The following CAMKMT variants were observed in gnomAD, a reference collection of about 807,000 sequenced individuals.
CAMKMT encodes the protein CaM KMT.
CAMKMT carries 53 observed loss-of-function variants against 48.0 expected under a neutral mutation model. The observed-to-expected ratio is 1.10, with a 90% CI of 0.89 to 1.39. CAMKMT has a LOEUF of 1.39. Ranked by LOEUF, CAMKMT falls within the 40% of genes most tolerant of loss-of-function variation. CAMKMT has a pLI of 0.00. For missense variants in CAMKMT, 428 were observed against 402.7 expected (o/e 1.06, Z -0.54); for synonymous variants, 165 against 152.3 (o/e 1.08, Z -0.61).
chr2:44,429,830 A>AAG (rs1684534328), intron 3 of CAMKMT, among the ~76,000 whole-genome samples: 1 of 149,158 alleles, frequency 6.7e-6, no homozygotes, highest in Non-Finnish European at 1.5e-5. Context: ...AAAAAAAAAA[A>AAG]GACAAAAGAA....
chr2:44,610,168 A>G (rs1417589628), intron 3 of CAMKMT, among the ~76,000 whole-genome samples: 3 of 152,208 alleles, frequency 2.0e-5, no homozygotes, highest in Non-Finnish European at 4.4e-5. Flanking sequence ...TTGAGCATCT[A>G]TTTAACTGCA....
At chr2:44,721,747 G>T (rs1024763648) in intron 7 of CAMKMT, among the ~76,000 whole-genome samples, 1 of 151,932 alleles carries the variant, frequency 6.6e-6, no homozygotes, top group Admixed American at 6.6e-5. Flanking sequence ...AGGTGGGAGG[G>T]TTGCTTGAGC....
chr2:44,711,477 CT>C (rs1011780946), intron 6 of CAMKMT, among the ~76,000 whole-genome samples: 3 of 152,078 alleles, frequency 2.0e-5, no homozygotes, highest in African/African-American at 7.2e-5. Flanking sequence ...TTAATTCTAA[CT>C]TTTTTTCTTC....
chr2:44,484,342 C>G (rs1669112208), intron 3 of CAMKMT, among the ~76,000 whole-genome samples: 1 of 151,802 alleles, frequency 6.6e-6, no homozygotes, highest in African/African-American at 2.4e-5. Flanking sequence ...TATAAAGCTA[C>G]AGTAATTAAG....
intron 3 of CAMKMT, among the ~76,000 whole-genome samples, chr2:44,437,772 G>T (rs1043544895): frequency 6.6e-6 from 1 of 150,574 alleles, no homozygotes; most frequent in East Asian, 2.0e-4. Flanking sequence ...CTTGAGCCCA[G>T]GAGTTTGAAG....
intron 2 of CAMKMT, among the ~76,000 whole-genome samples, chr2:44,377,913 A>T (rs1679857030): frequency 6.6e-6 from 1 of 152,178 alleles, no homozygotes; most frequent in Non-Finnish European, 1.5e-5. Context: ...AATGTTCAGT[A>T]AATAAAAACT....
intron 3 of CAMKMT, among the ~76,000 whole-genome samples, chr2:44,637,981 C>G (rs1289672341): frequency 6.6e-6 from 1 of 150,632 alleles, no homozygotes; most frequent in Non-Finnish European, 1.5e-5. Context: ...AGGAGAATCG[C>G]TTGAACTCGG....
At chr2:44,400,918 A>C (rs900151497) in intron 3 of CAMKMT, 3 of 129,304 alleles carry the variant, frequency 2.3e-5, no homozygotes, top group Admixed American at 8.9e-5. Flanking sequence ...GTGCATGTAT[A>C]CTTATGTGTG....
chr2:44,604,747 C>T (rs1342281432), intron 3 of CAMKMT, among the ~76,000 whole-genome samples: 1 of 151,936 alleles, frequency 6.6e-6, no homozygotes, highest in African/African-American at 2.4e-5. Flanking sequence ...TGCCTTGTTG[C>T]TGAGGGTGCT....
rs536851188 is a variant in CAMKMT, at chr2:44,700,307, A to G, written c.377-3976A>G. Among the ~76,000 whole-genome samples the G allele has an allele frequency of 5.9e-5, 9 of 152,316 alleles. No individual in the cohort carries two copies. In the South Asian group the frequency reaches 1.4e-3, roughly 25 times the overall value. On this transcript the variant is annotated intron_variant, in intron 3 of 10. Transcript: ENST00000378494. ...AGCAATAAGGCTGTTTTGTCTTCTT[A>G]TCATTCGTGTGTTCACTGGAGTAAC...
chr2:44,363,686 T>A (rs1678257776), intron 1 of CAMKMT, among the ~76,000 whole-genome samples: 1 of 147,582 alleles, frequency 6.8e-6, no homozygotes, highest in African/African-American at 2.5e-5. Context: ...GGCAACCCCC[T>A]TCTTTTTTTT....
intron 3 of CAMKMT, among the ~76,000 whole-genome samples, chr2:44,525,358 C>A (rs143916972): frequency 1.3e-5 from 2 of 151,994 alleles, no homozygotes; most frequent in Non-Finnish European, 2.9e-5. Context: ...CGGATTCAAG[C>A]AATTCTCCTG....
At chr2:44,695,111 G>A (rs932385632) in intron 3 of CAMKMT, among the ~76,000 whole-genome samples, 2 of 152,196 alleles carry the variant, frequency 1.3e-5, no homozygotes, top group African/African-American at 4.8e-5. Context: ...ACTTCATTGA[G>A]TGACGTCAAT....
chr2:44,397,450 G>A (rs1049841774), intron 3 of CAMKMT, among the ~76,000 whole-genome samples: 1 of 152,196 alleles, frequency 6.6e-6, no homozygotes, highest in African/African-American at 2.4e-5. Context: ...GCATCGTAAT[G>A]TACATGTAGT....
At chr2:44,537,831 G>A (rs1260451461) in intron 3 of CAMKMT, among the ~76,000 whole-genome samples, 1 of 152,132 alleles carries the variant, frequency 6.6e-6, no homozygotes, top group African/African-American at 2.4e-5. Flanking sequence ...CCAAAGTGTT[G>A]GGATCACAGG....
chr2:44,514,648 C>A (rs1420581542), intron 3 of CAMKMT, among the ~76,000 whole-genome samples: 1 of 152,192 alleles, frequency 6.6e-6, no homozygotes, highest in African/African-American at 2.4e-5. Context: ...GAGCAGGGAC[C>A]TTTTCTGTCT....
intron 3 of CAMKMT, chr2:44,549,534 T>C (rs763736113): frequency 1.3e-5 from 9 of 692,722 alleles, no homozygotes; most frequent in Non-Finnish European, 2.1e-5. Context: ...GTATATATAA[T>C]TTTTTTTCTT....
intron 6 of CAMKMT, among the ~76,000 whole-genome samples, chr2:44,708,943 C>T (rs1677720126): frequency 6.6e-6 from 1 of 151,938 alleles, no homozygotes; most frequent in East Asian, 1.9e-4. Flanking sequence ...GCGTCAGAAA[C>T]CAATTAGAAC....
chr2:44,377,383 C>A (rs1679807071), intron 2 of CAMKMT, among the ~76,000 whole-genome samples: 1 of 152,166 alleles, frequency 6.6e-6, no homozygotes, highest in South Asian at 2.1e-4. Context: ...AGCTAAGAGA[C>A]ACCAGGAGAT....
Sources: allele counts gnomAD v4.1 joint callset (sites outside exome capture counted in the v4.1 genomes callset), GRCh38; gene constraint gnomAD v4.1.1; transcripts MANE v1.5; gene names NCBI Gene and HGNC (gene_info 2026-07-23, HGNC 2026-07-21).